TASP1: variants seen among roughly 807,000 people sequenced by gnomAD.
The protein encoded by TASP1 is threonine aspartase 1.
In TASP1, 16 loss-of-function variants were observed where a neutral mutation model predicts 56.6. The ratio of observed to expected loss-of-function variants is 0.28; its 90% CI spans 0.19 to 0.43. TASP1 has a LOEUF of 0.43. Ranked by LOEUF, TASP1 falls within the 20% of genes least tolerant of loss-of-function variation. The pLI is 1.00. For missense variants in TASP1, 393 were observed against 511.6 expected, an observed-to-expected ratio of 0.77 and a Z score of 2.24; for synonymous variants, 179 against 184.2, an observed-to-expected ratio of 0.97 and a Z score of 0.23.
At chr20:13,188,054 C>T in the TASP1 span, among the ~76,000 whole-genome samples, 3 of 152,120 alleles carry the variant, frequency 2.0e-5, no homozygotes, top group Non-Finnish European at 1.5e-5. Flanking sequence ...CTAGCTTGCC[C>T]TATTTCCTTT....
chr20:13,229,063 T>G, the TASP1 span, among the ~76,000 whole-genome samples: 11 of 152,100 alleles, frequency 7.2e-5, no homozygotes, highest in African/African-American at 2.4e-4. Flanking sequence ...CTCCCCTTCT[T>G]TTTCTTTCCC....
the TASP1 span, among the ~76,000 whole-genome samples, chr20:13,135,103 A>G: frequency 6.6e-6 from 1 of 152,254 alleles, no homozygotes. Flanking sequence ...GATAGTAGAC[A>G]TCTGACAGAG....
chr20:13,585,469 A>T (rs1283645487), intron 5 of TASP1, among the ~76,000 whole-genome samples: 1 of 152,222 alleles, frequency 6.6e-6, no homozygotes, highest in Non-Finnish European at 1.5e-5. Context: ...TTTGTATGTA[A>T]AATATTTAAA....
intron 11 of TASP1, among the ~76,000 whole-genome samples, chr20:13,463,262 G>A (rs2044123151): frequency 6.6e-6 from 1 of 152,096 alleles, no homozygotes; most frequent in South Asian, 2.1e-4. Flanking sequence ...CCATTCGATG[G>A]GGAAAGGATA....
At chr20:13,221,694 G>C in the TASP1 span, 2 of 1,188,428 alleles carry the variant, frequency 1.7e-6, no homozygotes, top group East Asian at 6.9e-5. Context: ...CCGGGCTCCC[G>C]GGCTCCTACT....
chr20:13,590,662 TC>T (rs2047491414), intron 4 of TASP1, among the ~76,000 whole-genome samples: 6 of 152,154 alleles, frequency 3.9e-5, no homozygotes, highest in Middle Eastern at 3.4e-3. Flanking sequence ...GGTCAGGCAT[TC>T]GAGACCAGCC....
chr20:13,550,733 C>G (rs1193351490), intron 8 of TASP1, among the ~76,000 whole-genome samples: 1 of 152,082 alleles, frequency 6.6e-6, no homozygotes, highest in African/African-American at 2.4e-5. Context: ...GAGTCCCTTC[C>G]AGTCACATCC....
At chr20:13,528,066 A>T (rs1274754860) in intron 10 of TASP1, among the ~76,000 whole-genome samples, 5 of 151,856 alleles carry the variant, frequency 3.3e-5, no homozygotes, top group African/African-American at 4.8e-5. Context: ...TACTAAAAAT[A>T]CAAAAAATCA....
chr20:13,541,938 G>A (rs186221189), intron 8 of TASP1, among the ~76,000 whole-genome samples: 12 of 151,798 alleles, frequency 7.9e-5, no homozygotes, highest in East Asian at 5.8e-4. Context: ...CCAGCTACTC[G>A]GGAGGCTGAG....
chr20:13,561,902 A>G (rs2046356489), intron 7 of TASP1, among the ~76,000 whole-genome samples: 2 of 152,172 alleles, frequency 1.3e-5, no homozygotes, highest in African/African-American at 4.8e-5. Context: ...AAGACAATAT[A>G]CACAAAAGAA....
chr20:13,306,564 C>CAAAAAAAAAAAAAAAAAAAAAAAAAGAA, the TASP1 span, among the ~76,000 whole-genome samples: 1 of 63,914 alleles, frequency 1.6e-5, no homozygotes, highest in East Asian at 5.3e-4. Flanking sequence ...GGAGAAAGGA[C>CAAAAAAAAAAAAAAAAAAAAAAAAAGAA]AAAAAAAAAA....
the TASP1 span, among the ~76,000 whole-genome samples, chr20:13,111,999 G>C: frequency 1.3e-5 from 2 of 152,192 alleles, no homozygotes. Context: ...TGGACTTCCA[G>C]CTCCAAGCCA....
chr20:13,393,650 G>A, intron 13 of TASP1: 1 of 1,301,034 alleles, frequency 7.7e-7, no homozygotes, highest in Non-Finnish European at 1.1e-6. Context: ...TGGACCTCAT[G>A]GCCCACATGG....
the TASP1 span, among the ~76,000 whole-genome samples, chr20:13,135,468 G>A: frequency 6.6e-6 from 1 of 152,142 alleles, no homozygotes; most frequent in Non-Finnish European, 1.5e-5. Context: ...AAGATGATCT[G>A]CTTAACCTGA....
chr20:13,208,999 G>A, the TASP1 span, among the ~76,000 whole-genome samples: 3,043 of 152,286 alleles, frequency 0.02, 51 homozygotes, highest in Non-Finnish European at 0.031. Flanking sequence ...GTTGGGTATG[G>A]CCATGGTGCT....
chr20:13,128,871 ATTTTTTTTT>A, the TASP1 span, among the ~76,000 whole-genome samples: 1 of 114,232 alleles, frequency 8.8e-6, no homozygotes, highest in African/African-American at 3.6e-5. Flanking sequence ...TGCCCAGCTA[ATTTTTTTTT>A]TTTTTTTTTT....
chr20:13,567,937 G>C (rs1028184136), intron 7 of TASP1, among the ~76,000 whole-genome samples: 2 of 151,814 alleles, frequency 1.3e-5, no homozygotes, highest in African/African-American at 4.8e-5. Flanking sequence ...GTCTCCAAGG[G>C]AAAAAAAGGG....
intron 8 of TASP1, among the ~76,000 whole-genome samples, chr20:13,548,229 A>T (rs2045872238): frequency 6.6e-6 from 1 of 152,096 alleles, no homozygotes; most frequent in African/African-American, 2.4e-5. Context: ...ACAAAATCAA[A>T]CTGTACTTTT....
At chr20:13,158,851 G>C in the TASP1 span, among the ~76,000 whole-genome samples, 4 of 152,210 alleles carry the variant, frequency 2.6e-5, no homozygotes, top group East Asian at 5.8e-4. Flanking sequence ...GAATGGAAGA[G>C]CAGGCTTATT....
Sources: gnomAD v4.1 joint callset for allele counts (sites outside exome capture counted in the v4.1 genomes callset) on GRCh38, gnomAD v4.1.1 for gene constraint, MANE v1.5 for transcripts, NCBI Gene and HGNC (gene_info 2026-07-23, HGNC 2026-07-21) for gene names.